Variants in SIN3A observed in about 807,000 individuals in gnomAD.
The protein encoded by SIN3A is SIN3 transcription regulator family member A, also known as paired amphipathic helix protein Sin3a.
SIN3A carries 14 observed loss-of-function variants against 146.1 expected under a neutral mutation model. The observed-to-expected ratio is 0.10, with a 90% CI of 0.06 to 0.15. SIN3A has a LOEUF of 0.15. Ranked by LOEUF, SIN3A falls within the 10% of genes least tolerant of loss-of-function variation. SIN3A has a pLI of 1.00. For missense variants in SIN3A, 1,028 were observed against 1,576.0 expected (o/e 0.65, Z 5.89); for synonymous variants, 572 against 572.0 (o/e 1.00, Z 0.00).
intron 3 of SIN3A, among the ~76,000 whole-genome samples, chr15:75,418,610 G>A (rs1419466791): frequency 2.0e-5 from 3 of 151,854 alleles, no homozygotes; most frequent in Non-Finnish European, 4.4e-5. Flanking sequence ...GTGAGCCACC[G>A]CACCCGGCCA....
intron 1 of SIN3A, among the ~76,000 whole-genome samples, chr15:75,436,052 A>C (rs1021026447): frequency 6.6e-6 from 1 of 151,908 alleles, no homozygotes; most frequent in South Asian, 2.1e-4. Flanking sequence ...TCTTGACCTC[A>C]GAAGTTGAGG....
At position 75,399,839 on chromosome 15, in the gene SIN3A, A is replaced by C. The variant is rs368929165; in HGVS notation, c.1854+201T>G. The stretch of plus-strand genomic sequence containing the variant: ...TTAAAAGGGCTAAAGTGGCCTAGAT[A>C]AGTCACATTTGCCATAAAGCATGTA... On this transcript the variant is annotated intron_variant, in intron 12 of 20. Transcript: ENST00000394947. 1.3e-4 allele frequency among the ~76,000 whole-genome samples: 20 copies of C among 152,372 alleles called. No individual in the cohort carries two copies. The East Asian group carries it at 3.9e-3, about 29-fold the overall frequency.
chr15:75,399,107 G>A (rs2141449040), intron 12 of SIN3A, among the ~76,000 whole-genome samples: 1 of 151,982 alleles, frequency 6.6e-6, no homozygotes, highest in South Asian at 2.1e-4. Flanking sequence ...TGGCGGGTAG[G>A]GGTGGGGGTC....
intron 17 of SIN3A, among the ~76,000 whole-genome samples, chr15:75,383,526 C>G (rs1595889783): frequency 6.6e-6 from 1 of 150,538 alleles, no homozygotes; most frequent in Non-Finnish European, 1.5e-5. Context: ...CAGGCTCAAG[C>G]AATCCTTTTT....
chr15:75,372,853 A>C (rs935670052), intron 20 of SIN3A, among the ~76,000 whole-genome samples: 1 of 150,308 alleles, frequency 6.7e-6, no homozygotes, highest in Non-Finnish European at 1.5e-5. Context: ...CAAAACCCCC[A>C]AAACCCACAT....
At chr15:75,383,531 C>CTTT (rs374790673) in intron 17 of SIN3A, among the ~76,000 whole-genome samples, 2 of 138,428 alleles carry the variant, frequency 1.4e-5, no homozygotes, top group Non-Finnish European at 1.6e-5. Flanking sequence ...TCAAGCAATC[C>CTTT]TTTTTTTTTT....
chr15:75,379,121 G>T (rs559591608), intron 19 of SIN3A, among the ~76,000 whole-genome samples: 1 of 151,986 alleles, frequency 6.6e-6, no homozygotes, highest in Non-Finnish European at 1.5e-5. Context: ...GGATGGTCTC[G>T]ATCTCCTGAT....
chr15:75,448,928 C>T (rs1482461666), intron 1 of SIN3A, among the ~76,000 whole-genome samples: 2 of 152,172 alleles, frequency 1.3e-5, no homozygotes, highest in South Asian at 2.1e-4. Flanking sequence ...CTCTTAATTA[C>T]GAAGTGCCAA....
chr15:75,427,560 T>C (rs113098892), intron 2 of SIN3A, among the ~76,000 whole-genome samples: 2,865 of 151,934 alleles, frequency 0.019, 99 homozygotes, highest in African/African-American at 0.065. Flanking sequence ...CTCGGGAGGC[T>C]GAGGCAAGAG....
chr15:75,452,918 C>T (rs1030661348), upstream of SIN3A: 1 of 152,258 alleles, frequency 6.6e-6, no homozygotes, highest in Non-Finnish European at 1.5e-5. Context: ...CCTGTGCCCT[C>T]TCTGTGTAGG....
In SIN3A at chr15:75,430,263, G is replaced by A. The variant is rs2073992686; in HGVS notation, c.113C>T (p.Pro38Leu). ...PHQHRVLAPA[P>L]PVYEAVSETM... ...CTCAGACACTGCTTCATACACAGGA[G>A]GGGCAGGGGCAAGCACCCGGTGCTG... Residue 38 changes from proline to leucine, a missense_variant, in exon 2 of 21, where the codon CCT becomes CTT. Transcript: ENST00000394947. 6.2e-7 allele frequency: 1 copy of A among 1,614,130 alleles called. No individual in the cohort carries two copies. Among genetic ancestry groups the A allele is most frequent in the Non-Finnish European group, 8.5e-7 (1 of 1,180,014 alleles).
chr15:75,409,942 T>A lies in SIN3A; in HGVS notation c.1211A>T (p.His404Leu), dbSNP rs764342401. The A allele has an allele frequency of 3.1e-6, 5 of 1,614,030 alleles. No homozygotes were observed. Among genetic ancestry groups the A allele is most frequent in the Non-Finnish European group, 4.2e-6 (5 of 1,180,022 alleles). The stretch of plus-strand genomic sequence containing the variant: ...TTGGGGCTTCTTGACAGTGCCTCCA[T>A]GATCATTTCTCACAGAATCAACCTT... Reference protein sequence around the residue: ...AEKVDSVRNDHGGTVKKPQLN... With the variant: ...AEKVDSVRNDLGGTVKKPQLN... Residue 404 changes from histidine (H) to leucine (L), a missense_variant, in exon 8 of 21, where the codon CAT (histidine) becomes CTT (leucine). Physicochemically the swap from His to Leu is moderately conservative, Grantham distance 99 (BLOSUM62 -3). Coordinates refer to ENST00000394947, the MANE Select transcript of SIN3A (RefSeq NM_001145358.2).
In SIN3A at chr15:75,383,999, A is replaced by G. The variant is rs138051214; in HGVS notation, c.3195+265T>C. The G allele has an allele frequency of 4.9e-3, 1,007 of 206,366 alleles. 8 individuals are homozygous for G. Among genetic ancestry groups the G allele is most frequent in the African/African-American group, 0.021 (898 of 43,284 alleles). 12.8% of individuals were successfully genotyped at this position (206,366 alleles called of 1,614,324 possible). A position where few individuals can be genotyped will look rare whatever the true frequency, so the allele number is the denominator to read the frequency against. On this transcript the variant is annotated intron_variant, in intron 17 of 20. Coordinates refer to ENST00000394947, the MANE Select transcript of SIN3A (RefSeq NM_001145358.2). Reference sequence around the variant, plus strand: ...AACAATAATATTTACAAAGCATACTATGAAAAATGTTCAGAGAAAAAGAAT... The same window carrying G: ...AACAATAATATTTACAAAGCATACTGTGAAAAATGTTCAGAGAAAAAGAAT...
Position 75,389,816 on chromosome 15 carries a change from C to T in SIN3A, c.2857G>A (p.Val953Ile), listed in dbSNP as rs1392309652. ...IQLRLKEPMD[V>I]DVEDYYPAFL... Reference sequence around the variant, plus strand: ...GCTGGGTAATAATCTTCTACATCAACATCCACTGTGGGAGAGATGGGATTG... The same window carrying T: ...GCTGGGTAATAATCTTCTACATCAATATCCACTGTGGGAGAGATGGGATTG... The change falls in exon 16 of 21, where the codon GTT (valine) becomes ATT (isoleucine). Residue 953 changes from valine to isoleucine, a missense_variant. Transcript: ENST00000394947. 1 of 1,614,032 alleles carries T rather than the reference C, an allele frequency of 6.2e-7. No homozygotes were observed. The highest frequency in any genetic ancestry group is 1.1e-5 in the South Asian group (1 of 91,066).
At chr15:75,409,029 C>T (rs2073574546) in intron 8 of SIN3A, among the ~76,000 whole-genome samples, 1 of 152,022 alleles carries the variant, frequency 6.6e-6, no homozygotes, top group Non-Finnish European at 1.5e-5. Context: ...CATGGCGAAA[C>T]CCCATCTCTA....
At chr15:75,411,211 C>T (rs1218109285) in intron 6 of SIN3A, among the ~76,000 whole-genome samples, 1 of 151,960 alleles carries the variant, frequency 6.6e-6, no homozygotes, top group Non-Finnish European at 1.5e-5. Flanking sequence ...GCCTGTAATC[C>T]CAGCTACTAG....
chr15:75,380,500 A>T (rs1253363049), intron 19 of SIN3A, 129 bp downstream of exon 19: 2 of 691,750 alleles, frequency 2.9e-6, no homozygotes, highest in African/African-American at 1.8e-5. Flanking sequence ...TAAAACCTTG[A>T]ATTAGCATCC....
intron 1 of SIN3A, among the ~76,000 whole-genome samples, chr15:75,450,420 C>A (rs550991194): frequency 6.6e-5 from 10 of 152,236 alleles, no homozygotes; most frequent in African/African-American, 2.4e-4. Context: ...ATCAAGGGAA[C>A]CCCAGGGAAG....
chr15:75,420,240 C>T (rs1567384166), intron 3 of SIN3A: 3 of 152,016 alleles, frequency 2.0e-5, no homozygotes, highest in Non-Finnish European at 4.4e-5. Context: ...TGCTGACATT[C>T]AATAACTAAA....
Sources: allele counts gnomAD v4.1 joint callset (sites outside exome capture counted in the v4.1 genomes callset), GRCh38; gene constraint gnomAD v4.1.1; transcripts MANE v1.5; gene names NCBI Gene and HGNC (gene_info 2026-07-23, HGNC 2026-07-21).